The following CNTNAP2 variants were observed in gnomAD, a reference collection of about 807,000 sequenced individuals.
The protein encoded by CNTNAP2 is contactin associated protein 2.
Under a neutral mutation model 155.2 loss-of-function variants are expected in CNTNAP2, and 98 were observed. That is an observed-to-expected ratio of 0.63 (90% confidence interval 0.54 to 0.75). The LOEUF (loss-of-function observed/expected upper bound fraction) is 0.75. Ranked by LOEUF, CNTNAP2 falls within the 30% of genes least tolerant of loss-of-function variation. The probability of loss-of-function intolerance (pLI) is 0.00; values close to 1 mark genes in which losing one functional copy is unlikely to be tolerated. For synonymous variants in CNTNAP2, 651 were observed against 631.2 expected, an observed-to-expected ratio of 1.03 and a Z score of -0.47; for missense variants, 1,727 against 1,688.1, an observed-to-expected ratio of 1.02 and a Z score of -0.40.
intron 13 of CNTNAP2, among the ~76,000 whole-genome samples, chr7:147,754,442 T>G (rs992848189): frequency 6.6e-6 from 1 of 152,210 alleles, no homozygotes. Context: ...AAGCATCATT[T>G]TGTAACTTGC....
At chr7:146,603,006 G>C (rs536677222) in intron 1 of CNTNAP2, among the ~76,000 whole-genome samples, 10 of 151,656 alleles carry the variant, frequency 6.6e-5, no homozygotes, top group Admixed American at 6.6e-4. Context: ...TACAATTAGA[G>C]TGTGTAACTT....
intron 1 of CNTNAP2, among the ~76,000 whole-genome samples, chr7:146,380,551 A>G (rs987453682): frequency 6.6e-6 from 1 of 152,058 alleles, no homozygotes; most frequent in African/African-American, 2.4e-5. Flanking sequence ...ATAGTAACTG[A>G]TCTTATCTTT....
intron 1 of CNTNAP2, among the ~76,000 whole-genome samples, chr7:146,696,070 T>G (rs1444848365): frequency 6.6e-6 from 1 of 152,170 alleles, no homozygotes. Flanking sequence ...TTAGGAAGTA[T>G]TCCCTGTGTT....
intron 14 of CNTNAP2, among the ~76,000 whole-genome samples, chr7:147,908,902 C>A (rs974397031): frequency 1.3e-5 from 2 of 152,136 alleles, no homozygotes; most frequent in African/African-American, 4.8e-5. Context: ...TGATCTAAGT[C>A]AGGATATTTC....
intron 14 of CNTNAP2, among the ~76,000 whole-genome samples, chr7:147,924,143 C>CTTTTCTT (rs1554450278): frequency 1.1e-4 from 14 of 123,488 alleles, no homozygotes; most frequent in Admixed American, 4.3e-4. Context: ...CTTTTCTTTT[C>CTTTTCTT]TTTTTTTTTT....
intron 1 of CNTNAP2, among the ~76,000 whole-genome samples, chr7:146,565,452 T>C (rs1161132216): frequency 1.3e-5 from 2 of 152,134 alleles, no homozygotes; most frequent in Non-Finnish European, 2.9e-5. Flanking sequence ...ATCCGTTAAG[T>C]GCAGTCCATG....
intron 4 of CNTNAP2, among the ~76,000 whole-genome samples, chr7:147,089,012 G>GAGAGAA (rs57021242): frequency 0.099 from 15,023 of 151,616 alleles, 1,987 homozygotes; most frequent in African/African-American, 0.3. Context: ...GAGAGAGAAA[G>GAGAGAA]AGAGAAAGAG....
rs138182831 is a variant in CNTNAP2, at chr7:147,354,539, C to T, written c.1499-41070C>T. ...TACCATGCTGTTTTGATTACTGTAG[C>T]CTTGTAGTGTAGTTTGAAGCCAGGT... On this transcript the variant is annotated intron_variant, in intron 9 of 23. Coordinates refer to ENST00000361727, the MANE Select transcript of CNTNAP2 (RefSeq NM_014141.6). Among the ~76,000 whole-genome samples, 1,287 of 152,146 alleles carry T rather than the reference C, an allele frequency of 8.5e-3. 18 individuals carry two copies. Among genetic ancestry groups the T allele is most frequent in the African/African-American group, 0.029 (1,217 of 41,496 alleles).
intron 1 of CNTNAP2, among the ~76,000 whole-genome samples, chr7:146,630,981 G>T (rs1257637099): frequency 6.6e-6 from 1 of 152,026 alleles, no homozygotes; most frequent in Non-Finnish European, 1.5e-5. Context: ...TGGCCATACT[G>T]CCCAAAGTAA....
chr7:147,512,631 T>A (rs1259078234), intron 11 of CNTNAP2, among the ~76,000 whole-genome samples: 1 of 152,196 alleles, frequency 6.6e-6, no homozygotes, highest in Non-Finnish European at 1.5e-5. Flanking sequence ...TTTATTCTTA[T>A]TTAAAGAACC....
At chr7:147,480,097 A>G (rs1186027260) in intron 10 of CNTNAP2, among the ~76,000 whole-genome samples, 1 of 152,212 alleles carries the variant, frequency 6.6e-6, no homozygotes, top group Non-Finnish European at 1.5e-5. Context: ...TACTATGATT[A>G]TGGAAACAGC....
At chr7:146,219,121 T>A (rs1799164722) in intron 1 of CNTNAP2, among the ~76,000 whole-genome samples, 1 of 152,002 alleles carries the variant, frequency 6.6e-6, no homozygotes, top group Non-Finnish European at 1.5e-5. Context: ...TCAGGGGAAA[T>A]TGCCATTTAT....
intron 2 of CNTNAP2, among the ~76,000 whole-genome samples, chr7:146,775,906 T>C (rs1034171991): frequency 1.3e-5 from 2 of 152,110 alleles, no homozygotes; most frequent in African/African-American, 4.8e-5. Flanking sequence ...GCAGTTTTAA[T>C]GTAATATTAG....
intron 14 of CNTNAP2, among the ~76,000 whole-genome samples, chr7:147,955,856 C>A (rs1419089506): frequency 1.3e-5 from 2 of 152,168 alleles, no homozygotes; most frequent in Non-Finnish European, 2.9e-5. Context: ...TATCTCAGGA[C>A]ACTAAGTCTC....
At chr7:147,788,663 T>C (rs189064461) in intron 13 of CNTNAP2, among the ~76,000 whole-genome samples, 2 of 152,230 alleles carry the variant, frequency 1.3e-5, no homozygotes, top group Admixed American at 6.5e-5. Flanking sequence ...TGAAGACTTG[T>C]ATTTTCAACT....
At chr7:146,755,900 C>T (rs557758049) in intron 1 of CNTNAP2, among the ~76,000 whole-genome samples, 1 of 151,790 alleles carries the variant, frequency 6.6e-6, no homozygotes, top group East Asian at 1.9e-4. Context: ...TGTTTATTTG[C>T]CATATCGTTG....
intron 4 of CNTNAP2, among the ~76,000 whole-genome samples, chr7:147,064,803 A>T (rs1404925545): frequency 6.6e-6 from 1 of 152,206 alleles, no homozygotes; most frequent in East Asian, 1.9e-4. Context: ...TTTTCTAAAA[A>T]TGTTAAAATC....
chr7:147,113,056 A>G (rs1400462733), intron 5 of CNTNAP2, among the ~76,000 whole-genome samples: 1 of 151,920 alleles, frequency 6.6e-6, no homozygotes, highest in African/African-American at 2.4e-5. Flanking sequence ...TACTGCCTCA[A>G]TTTCAGAAGT....
chr7:148,045,983 A>G (rs530616843), intron 15 of CNTNAP2, among the ~76,000 whole-genome samples: 58 of 152,384 alleles, frequency 3.8e-4, no homozygotes, highest in African/African-American at 1.3e-3. Flanking sequence ...ATAAGTAATT[A>G]CATAATACAT....
Sources: gnomAD v4.1 joint callset for allele counts (sites outside exome capture counted in the v4.1 genomes callset) on GRCh38, gnomAD v4.1.1 for gene constraint, MANE v1.5 for transcripts, NCBI Gene and HGNC (gene_info 2026-07-23, HGNC 2026-07-21) for gene names.